The following DPP6 variants were observed in gnomAD, a reference collection of about 807,000 sequenced individuals.
DPP6 encodes dipeptidyl peptidase like 6.
DPP6 carries 69 observed loss-of-function variants against 122.6 expected under a neutral mutation model. The observed-to-expected ratio is 0.56, with a 90% CI of 0.46 to 0.69. The LOEUF (loss-of-function observed/expected upper bound fraction) is 0.69. Among genes scored for constraint, DPP6 ranks in the 30% least tolerant of loss-of-function variants. The pLI is 0.00. For synonymous variants in DPP6, 418 were observed against 433.1 expected, an observed-to-expected ratio of 0.97 and a Z score of 0.43; for missense variants, 928 against 1,116.9, an observed-to-expected ratio of 0.83 and a Z score of 2.41.
chr7:154,850,947 G>C (rs1802319291), intron 16 of DPP6, among the ~76,000 whole-genome samples: 1 of 152,126 alleles, frequency 6.6e-6, no homozygotes, highest in African/African-American at 2.4e-5. Context: ...ATTTTGTAAA[G>C]CTTGCAGATA....
chr7:154,355,864 C>T (rs1014514229), intron 1 of DPP6, among the ~76,000 whole-genome samples: 4 of 152,154 alleles, frequency 2.6e-5, no homozygotes, highest in Admixed American at 2.6e-4. Context: ...TGTCAAATTA[C>T]ACACACATAC....
chr7:154,351,446 A>C (rs186513189), intron 1 of DPP6, among the ~76,000 whole-genome samples: 82 of 152,182 alleles, frequency 5.4e-4, no homozygotes, highest in African/African-American at 2.0e-3. Flanking sequence ...GCTGAGTGTA[A>C]ATTTTCATTA....
chr7:154,041,730 G>A (rs1799775208), intron 1 of DPP6, among the ~76,000 whole-genome samples: 1 of 151,924 alleles, frequency 6.6e-6, no homozygotes, highest in South Asian at 2.1e-4. Flanking sequence ...TGCAAACACT[G>A]GCCCCTTCTT....
intron 1 of DPP6, among the ~76,000 whole-genome samples, chr7:154,315,603 C>T (rs564516129): frequency 6.6e-6 from 1 of 152,072 alleles, no homozygotes; most frequent in Non-Finnish European, 1.5e-5. Flanking sequence ...AGATATTGAC[C>T]AGCAGCCATC....
the DPP6 span, among the ~76,000 whole-genome samples, chr7:153,782,634 T>A: frequency 6.6e-6 from 1 of 152,180 alleles, no homozygotes; most frequent in African/African-American, 2.4e-5. Context: ...CAAGTACAGA[T>A]GTGCTGGAGA....
At chr7:153,955,815 G>A (rs1411210472) in intron 1 of DPP6, among the ~76,000 whole-genome samples, 3 of 152,126 alleles carry the variant, frequency 2.0e-5, no homozygotes, top group Non-Finnish European at 4.4e-5. Context: ...GTGGTAAATG[G>A]GAGAGCAGGG....
At chr7:154,417,076 C>T (rs902152294) in intron 1 of DPP6, among the ~76,000 whole-genome samples, 26 of 152,276 alleles carry the variant, frequency 1.7e-4, no homozygotes, top group South Asian at 4.1e-4. Flanking sequence ...TTTCAATGAT[C>T]GTTTTCTATG....
intron 3 of DPP6, among the ~76,000 whole-genome samples, chr7:154,492,365 A>G (rs183414895): frequency 2.6e-5 from 4 of 152,324 alleles, no homozygotes; most frequent in Admixed American, 2.0e-4. Flanking sequence ...CAACTGCAAC[A>G]GAAAGAAAAT....
At chr7:154,675,870 C>A (rs1838865006) in intron 7 of DPP6, among the ~76,000 whole-genome samples, 1 of 152,206 alleles carries the variant, frequency 6.6e-6, no homozygotes, top group African/African-American at 2.4e-5. Context: ...ATTTGATATT[C>A]TTCTCATTTT....
chr7:154,367,242 A>G (rs1812264319), intron 1 of DPP6, among the ~76,000 whole-genome samples: 1 of 152,174 alleles, frequency 6.6e-6, no homozygotes, highest in African/African-American at 2.4e-5. Context: ...GGAACTCATT[A>G]TGTGTGATGG....
chr7:154,038,055 G>A (rs1333908589), intron 1 of DPP6, among the ~76,000 whole-genome samples: 1 of 139,220 alleles, frequency 7.2e-6, no homozygotes, highest in Non-Finnish European at 1.5e-5. Flanking sequence ...AACATATAAT[G>A]ATACATTCAG....
At chr7:154,668,219 A>ATATGTGTGTATATAT (rs1554430259) in intron 6 of DPP6, among the ~76,000 whole-genome samples, 6 of 54,366 alleles carry the variant, frequency 1.1e-4, no homozygotes, top group African/African-American at 2.6e-4. Context: ...ATATATATAT[A>ATATGTGTGTATATAT]ATATACACAT....
intron 16 of DPP6, among the ~76,000 whole-genome samples, chr7:154,816,968 G>T (rs1349517892): frequency 6.6e-6 from 1 of 152,214 alleles, no homozygotes; most frequent in Admixed American, 6.5e-5. Flanking sequence ...CAGAAGTTAA[G>T]AAGTAAATTT....
the DPP6 span, among the ~76,000 whole-genome samples, chr7:153,783,683 T>C: frequency 6.6e-6 from 1 of 152,242 alleles, no homozygotes; most frequent in Non-Finnish European, 1.5e-5. Context: ...AAAACTTACA[T>C]GTGCTGATGA....
intron 7 of DPP6, among the ~76,000 whole-genome samples, chr7:154,720,015 G>A (rs985623801): frequency 1.8e-4 from 28 of 152,094 alleles, no homozygotes; most frequent in African/African-American, 6.5e-4. Flanking sequence ...AGAACCTCTC[G>A]GCCTGTAGGA....
At chr7:154,617,336 T>C (rs575629674) in intron 5 of DPP6, among the ~76,000 whole-genome samples, 1 of 152,358 alleles carries the variant, frequency 6.6e-6, no homozygotes, top group African/African-American at 2.4e-5. Flanking sequence ...CAATTGTTTT[T>C]GTGTGCAGTT....
intron 8 of DPP6, among the ~76,000 whole-genome samples, chr7:154,749,722 G>A (rs543216960): frequency 9.7e-5 from 4 of 41,090 alleles, no homozygotes; most frequent in Non-Finnish European, 2.1e-4. Context: ...TTTACTGAGC[G>A]AGGGTGAGAG....
intron 3 of DPP6, among the ~76,000 whole-genome samples, chr7:154,508,558 C>T (rs933035754): frequency 4.6e-5 from 7 of 152,092 alleles, no homozygotes; most frequent in African/African-American, 1.7e-4. Flanking sequence ...GTCACTTGAC[C>T]CCATCTAACT....
At chr7:154,641,700 C>A (rs1182274479) in intron 6 of DPP6, among the ~76,000 whole-genome samples, 1 of 152,146 alleles carries the variant, frequency 6.6e-6, no homozygotes, top group Non-Finnish European at 1.5e-5. Context: ...AATGTAGTCT[C>A]ATATCCAATA....
Sources: allele counts gnomAD v4.1 joint callset (sites outside exome capture counted in the v4.1 genomes callset), GRCh38; gene constraint gnomAD v4.1.1; transcripts MANE v1.5; gene names NCBI Gene and HGNC (gene_info 2026-07-23, HGNC 2026-07-21).